Variants in RANBP3L observed in about 807,000 individuals in gnomAD.
RANBP3L encodes ran-binding protein 3-like.
RANBP3L carries 56 observed loss-of-function variants against 67.2 expected under a neutral mutation model. The ratio of observed to expected loss-of-function variants is 0.83; its 90% CI spans 0.67 to 1.04. RANBP3L has a LOEUF of 1.04. RANBP3L is among the 50% of genes least tolerant of loss of function. The pLI is 0.00. For synonymous variants in RANBP3L, 164 were observed against 181.4 expected (o/e 0.90, Z 0.77); for missense variants, 496 against 535.5 (o/e 0.93, Z 0.73).
chr5:36,289,042 G>A (rs1751523899), intron 1 of RANBP3L, among the ~76,000 whole-genome samples: 1 of 151,570 alleles, frequency 6.6e-6, no homozygotes, highest in South Asian at 2.1e-4. Context: ...TCTTCTAGAA[G>A]CTTTGTATAT....
At chr5:36,263,802 A>G (rs961702825) in intron 6 of RANBP3L, among the ~76,000 whole-genome samples, 1 of 152,220 alleles carries the variant, frequency 6.6e-6, no homozygotes, top group African/African-American at 2.4e-5. Flanking sequence ...GCTAGGATTA[A>G]AAGAGTGAGC....
intron 13 of RANBP3L, among the ~76,000 whole-genome samples, chr5:36,250,737 A>G (rs1174963547): frequency 6.6e-6 from 1 of 152,172 alleles, no homozygotes; most frequent in Non-Finnish European, 1.5e-5. Flanking sequence ...AAATCCACAT[A>G]TCAAGATAAG....
chr5:36,298,299 TAAAA>T (rs397786019), intron 1 of RANBP3L, among the ~76,000 whole-genome samples: 1 of 128,058 alleles, frequency 7.8e-6, no homozygotes, highest in African/African-American at 2.9e-5. Flanking sequence ...GACTCCATCT[TAAAA>T]AAAAAAAAAA....
At chr5:36,279,727 C>T (rs1281247340) in intron 1 of RANBP3L, among the ~76,000 whole-genome samples, 1 of 152,158 alleles carries the variant, frequency 6.6e-6, no homozygotes, top group Non-Finnish European at 1.5e-5. Context: ...TTTGATCTAA[C>T]TGCAGTTTTA....
intron 1 of RANBP3L, among the ~76,000 whole-genome samples, chr5:36,282,856 G>T (rs1044680177): frequency 3.3e-4 from 50 of 152,142 alleles, no homozygotes; most frequent in African/African-American, 1.2e-3. Flanking sequence ...TGGCCCTCAG[G>T]CATAGAAATG....
At position 36,253,751 on chromosome 5, in the gene RANBP3L, T is replaced by C; in HGVS notation, c.1063A>G (p.Ser355Gly). 1 of 1,613,192 alleles carries C rather than the reference T, an allele frequency of 6.2e-7. No homozygotes were observed. Among genetic ancestry groups the C allele is most frequent in the Non-Finnish European group, 8.5e-7 (1 of 1,179,280 alleles). The change falls in exon 12 of 14, where the codon AGC (serine) becomes GGC (glycine). Residue 355 changes from serine to glycine, a missense_variant. By Grantham distance (56) the Ser-to-Gly change is moderately conservative. Transcript: ENST00000296604. Reference sequence around the variant, plus strand: ...ATCTTCATTTGGGCCCAGAGTTTGCTGTTGAGGATCAGCCTTAGACTGCCT... The same window carrying C: ...ATCTTCATTTGGGCCCAGAGTTTGCCGTTGAGGATCAGCCTTAGACTGCCT... ...NQGSLRLILN[S>G]KLWAQMKIQR...
intron 1 of RANBP3L, among the ~76,000 whole-genome samples, chr5:36,276,913 A>C (rs1194014962): frequency 6.6e-6 from 1 of 152,160 alleles, no homozygotes; most frequent in Admixed American, 6.5e-5. Flanking sequence ...AGCTTCCCCC[A>C]CCTAGATTAC....
At position 36,287,014 on chromosome 5, in the gene RANBP3L, G is replaced by A. The variant is rs1393099596; in HGVS notation, c.91+14312C>T. Reference sequence around the variant, plus strand: ...ATTGAGCCCCAACCTTTTGGCCCATGGGACTGGAAGACAATTTTTCCACAG... The same window carrying A: ...ATTGAGCCCCAACCTTTTGGCCCATAGGACTGGAAGACAATTTTTCCACAG... On this transcript the variant is annotated intron_variant, in intron 1 of 13. Coordinates refer to ENST00000296604, the MANE Select transcript of RANBP3L (RefSeq NM_145000.5). 2.0e-5 allele frequency among the ~76,000 whole-genome samples: 3 copies of A among 152,144 alleles called. No individual in the cohort carries two copies. The East Asian group carries it at 5.8e-4, about 29-fold the overall frequency.
chr5:36,266,880 C>G (rs1181259337), intron 4 of RANBP3L, among the ~76,000 whole-genome samples: 1 of 152,102 alleles, frequency 6.6e-6, no homozygotes, highest in Non-Finnish European at 1.5e-5. Context: ...CCTCAGCGCC[C>G]CAAGTAGCTG....
At chr5:36,293,938 C>T (rs893137961) in intron 1 of RANBP3L, among the ~76,000 whole-genome samples, 8 of 151,228 alleles carry the variant, frequency 5.3e-5, no homozygotes, top group African/African-American at 1.5e-4. Flanking sequence ...GGAGGATTCC[C>T]TCTTTTTCTA....
intron 11 of RANBP3L, 94 bp from the exon 12 acceptor site, chr5:36,253,883 T>C: frequency 2.4e-6 from 3 of 1,259,262 alleles, no homozygotes; most frequent in Non-Finnish European, 3.3e-6. Flanking sequence ...TAGTTGTTTT[T>C]CAGACTGTAG....
Position 36,265,363 on chromosome 5 carries a change from C to G in RANBP3L, c.340+86G>C, listed in dbSNP as rs903648692. The G allele has an allele frequency of 5.8e-6, 5 of 868,392 alleles. No individual in the cohort carries two copies. In the African/African-American group the frequency reaches 8.6e-5, roughly 15 times the overall value. 53.8% of individuals were successfully genotyped at this position (868,392 alleles called of 1,614,324 possible). On this transcript the variant is annotated intron_variant, in intron 5 of 13. Coordinates refer to ENST00000296604, the MANE Select transcript of RANBP3L (RefSeq NM_145000.5). ...TGTCACTCTGACCTACCTCCATGCC[C>G]CCAACACACGCACACATATAGGGAG...
intron 4 of RANBP3L, among the ~76,000 whole-genome samples, chr5:36,267,237 G>T (rs1749863209): frequency 6.6e-6 from 1 of 152,146 alleles, no homozygotes; most frequent in East Asian, 1.9e-4. Context: ...GGCCAGGCAT[G>T]GTGGCTCACG....
Position 36,270,067 on chromosome 5 carries a change from T to G in RANBP3L, c.151-77A>C. 7 of 1,359,426 alleles carry G rather than the reference T, an allele frequency of 5.1e-6. No individual in the cohort carries two copies. The East Asian group carries it at 1.1e-4, about 22-fold the overall frequency. The allele number at this position is 1,359,426 out of a possible 1,614,324, so 84.2% of individuals were successfully genotyped here. A position where few individuals can be genotyped will look rare whatever the true frequency, so the allele number is the denominator to read the frequency against. On this transcript the variant is annotated intron_variant, in intron 2 of 13. Transcript: ENST00000296604. ...TGTTGGTGCAAAAGTTATTGCAGTT[T>G]TGGCAATTAAAAGTAATGGCAAAAA...
intron 1 of RANBP3L, among the ~76,000 whole-genome samples, chr5:36,293,702 T>C: frequency 6.8e-6 from 1 of 148,028 alleles, no homozygotes; most frequent in East Asian, 1.9e-4. Context: ...CTGGATTACA[T>C]TTATTGATTT....
In RANBP3L at chr5:36,247,843, G is replaced by A. The variant is rs534463669; in HGVS notation, c.*1811C>T. 2.3e-4 allele frequency among the ~76,000 whole-genome samples: 35 copies of A among 152,284 alleles called. No individual in the cohort carries two copies. The highest frequency in any genetic ancestry group is 7.7e-4 in the African/African-American group (32 of 41,564). Reference sequence around the variant, plus strand: ...GGGGAGGTTGAAGTGAGCCGAAATCGTGCCACTGCACTCCAACCTGGGTGA... The same window carrying A: ...GGGGAGGTTGAAGTGAGCCGAAATCATGCCACTGCACTCCAACCTGGGTGA... On this transcript the variant is annotated 3_prime_UTR_variant, in exon 14 of 14. Coordinates refer to ENST00000296604, the MANE Select transcript of RANBP3L (RefSeq NM_145000.5).
intron 7 of RANBP3L, 107 bp downstream of exon 7, chr5:36,261,832 T>A: frequency 1.9e-6 from 1 of 532,676 alleles, no homozygotes. Flanking sequence ...ATGGGAATCT[T>A]GGCAATTTAT....
At chr5:36,269,843 G>C in intron 3 of RANBP3L, 108 bp downstream of exon 3, 1 of 962,524 alleles carries the variant, frequency 1.0e-6, no homozygotes. Flanking sequence ...TTTAAAAAAA[G>C]AAAAAACATT....
chr5:36,298,299 T>TA (rs397786019), intron 1 of RANBP3L, among the ~76,000 whole-genome samples: 9,351 of 127,958 alleles, frequency 0.073, 870 homozygotes, highest in African/African-American at 0.22. Flanking sequence ...GACTCCATCT[T>TA]AAAAAAAAAA....
Sources: allele counts gnomAD v4.1 joint callset (sites outside exome capture counted in the v4.1 genomes callset), GRCh38; gene constraint gnomAD v4.1.1; transcripts MANE v1.5; gene names NCBI Gene and HGNC (gene_info 2026-07-23, HGNC 2026-07-21).